CLSTN2: variants seen among roughly 807,000 people sequenced by gnomAD.
CLSTN2 encodes calsyntenin 2, also known as calsyntenin-2.
CLSTN2 carries 48 observed loss-of-function variants against 101.2 expected under a neutral mutation model. The observed-to-expected ratio is 0.47, with a 90% CI of 0.38 to 0.60. The LOEUF (loss-of-function observed/expected upper bound fraction) is 0.60, where lower values mean the gene tolerates loss of function less well. CLSTN2 is among the 20% of genes least tolerant of loss of function. CLSTN2 has a pLI of 0.00. For missense variants in CLSTN2, 1,160 were observed against 1,238.2 expected, an observed-to-expected ratio of 0.94 and a Z score of 0.95; for synonymous variants, 481 against 463.6, an observed-to-expected ratio of 1.04 and a Z score of -0.48.
At chr3:139,949,955 C>T (rs1379904313) in intron 1 of CLSTN2, among the ~76,000 whole-genome samples, 1 of 152,060 alleles carries the variant, frequency 6.6e-6, no homozygotes, top group African/African-American at 2.4e-5. Context: ...TGTGTAGAGG[C>T]AAGAAGGAAG....
At chr3:140,351,870 T>G (rs1009491957) in intron 2 of CLSTN2, among the ~76,000 whole-genome samples, 2 of 152,176 alleles carry the variant, frequency 1.3e-5, no homozygotes, top group Non-Finnish European at 2.9e-5. Context: ...TCACACATTT[T>G]ATTTGAGGAG....
intron 9 of CLSTN2, among the ~76,000 whole-genome samples, chr3:140,534,017 G>A (rs1216938856): frequency 1.3e-5 from 2 of 152,170 alleles, no homozygotes; most frequent in Non-Finnish European, 2.9e-5. Flanking sequence ...TTGGCAATGA[G>A]AGTATCTTCA....
intron 2 of CLSTN2, among the ~76,000 whole-genome samples, chr3:140,327,873 G>A (rs1431726813): frequency 6.6e-6 from 1 of 152,142 alleles, no homozygotes; most frequent in Non-Finnish European, 1.5e-5. Context: ...TTAGCGATAG[G>A]TACATTTGTT....
At position 140,248,906 on chromosome 3, in the gene CLSTN2, T is replaced by C. The variant is rs560359763; in HGVS notation, c.232+72833T>C. 2.0e-5 allele frequency among the ~76,000 whole-genome samples: 3 copies of C among 152,316 alleles called. No homozygotes were observed. The South Asian group carries it at 6.2e-4, about 32-fold the overall frequency. ...ATCACTTTCTCTCATTGGGCTTCCA[T>C]TTATCTGATTTTAAAAGGAGAGAAG... On this transcript the variant is annotated intron_variant, in intron 2 of 16. Coordinates refer to ENST00000458420, the MANE Select transcript of CLSTN2 (RefSeq NM_022131.3).
At chr3:140,184,367 T>G (rs951799486) in intron 2 of CLSTN2, among the ~76,000 whole-genome samples, 1 of 152,092 alleles carries the variant, frequency 6.6e-6, no homozygotes, top group African/African-American at 2.4e-5. Flanking sequence ...TCAGGAAACT[T>G]AAACTCATGG....
intron 9 of CLSTN2, among the ~76,000 whole-genome samples, chr3:140,533,635 C>G (rs191177352): frequency 6.9e-6 from 1 of 145,622 alleles, no homozygotes; most frequent in African/African-American, 2.6e-5. Context: ...GGCATGAACC[C>G]GGGAGGTGGA....
chr3:140,534,902 C>T (rs549023427), intron 9 of CLSTN2, among the ~76,000 whole-genome samples: 2 of 152,334 alleles, frequency 1.3e-5, no homozygotes, highest in Admixed American at 1.3e-4. Flanking sequence ...TCCCATCCTT[C>T]CTTAAATGGG....
At chr3:139,949,812 C>T (rs1935264470) in intron 1 of CLSTN2, among the ~76,000 whole-genome samples, 1 of 152,150 alleles carries the variant, frequency 6.6e-6, no homozygotes, top group South Asian at 2.1e-4. Flanking sequence ...TATGTCATTC[C>T]TTGGGTCCTC....
Position 140,571,656 on chromosome 3 carries a change from G to C in CLSTN2, c.*5403G>C, listed in dbSNP as rs904149313. 6.6e-6 allele frequency: 1 copy of C among 152,226 alleles called. No individual in the cohort carries two copies. The highest frequency in any genetic ancestry group is 1.5e-5 in the Non-Finnish European group (1 of 68,050). 9.4% of individuals were successfully genotyped at this position (152,226 alleles called of 1,614,324 possible). On this transcript the variant is annotated 3_prime_UTR_variant, in exon 17 of 17. Transcript: ENST00000458420. ...TTGTCCAGCTGCAGGCAAAAGAAAT[G>C]AGCAATGAAAGTTTTGAAGTCTACC...
At chr3:140,353,179 T>A (rs1559846638) in intron 2 of CLSTN2, among the ~76,000 whole-genome samples, 1 of 150,124 alleles carries the variant, frequency 6.7e-6, no homozygotes, top group East Asian at 1.9e-4. Flanking sequence ...AATTTTGGTA[T>A]CTAAGTGTGT....
chr3:140,558,615 G>A, intron 11 of CLSTN2, 25 bp from the exon 12 acceptor site: 1 of 1,594,346 alleles, frequency 6.3e-7, no homozygotes. Flanking sequence ...GCTCATCAGT[G>A]CCATGACCGA....
intron 1 of CLSTN2, among the ~76,000 whole-genome samples, chr3:140,009,882 C>T (rs1004913163): frequency 1.3e-5 from 2 of 152,222 alleles, no homozygotes; most frequent in African/African-American, 2.4e-5. Flanking sequence ...ATTGCTGTCT[C>T]GGCAATGGGT....
In CLSTN2 at chr3:140,532,341, G is replaced by A; in HGVS notation, c.1362G>A (p.Trp454Ter). Reference protein sequence around the residue: ...WKLDQICDKEWHYYVINVEFP... With the variant: ...WKLDQICDKE ...TTTCTTAGATTTGTGACAAAGAGTG[G>A]CACTACTATGTCATCAATGTGGAGT... Residue 454 changes from tryptophan to a stop codon, truncating the protein, a stop_gained, in exon 9 of 17, where the codon TGG becomes TGA. Coordinates refer to ENST00000458420, the MANE Select transcript of CLSTN2 (RefSeq NM_022131.3). LOFTEE classifies it high-confidence loss of function. The A allele has an allele frequency of 1.3e-6, 2 of 1,597,048 alleles. No individual in the cohort carries two copies. Among genetic ancestry groups the A allele is most frequent in the Non-Finnish European group, 1.7e-6 (2 of 1,170,734 alleles).
intron 2 of CLSTN2, among the ~76,000 whole-genome samples, chr3:140,290,165 A>G (rs1053237595): frequency 6.6e-6 from 1 of 152,084 alleles, no homozygotes; most frequent in Non-Finnish European, 1.5e-5. Flanking sequence ...GAGTTATCTC[A>G]GAACACCCAT....
chr3:140,266,124 C>T (rs1360512914), intron 2 of CLSTN2, among the ~76,000 whole-genome samples: 2 of 152,122 alleles, frequency 1.3e-5, no homozygotes, highest in Admixed American at 1.3e-4. Flanking sequence ...ATTCCCATAT[C>T]CTGTGTCTGA....
chr3:140,446,398 C>T (rs1933079146), intron 5 of CLSTN2, among the ~76,000 whole-genome samples: 1 of 152,094 alleles, frequency 6.6e-6, no homozygotes, highest in Non-Finnish European at 1.5e-5. Context: ...TAATGTGCAC[C>T]CTCTACTTGT....
intron 2 of CLSTN2, among the ~76,000 whole-genome samples, chr3:140,356,129 A>G (rs1353086344): frequency 6.6e-6 from 1 of 152,102 alleles, no homozygotes; most frequent in Admixed American, 6.5e-5. Context: ...TGTTTTTCCC[A>G]TTGACTGTGA....
At chr3:140,222,874 G>GAAA (rs3035937) in intron 2 of CLSTN2, among the ~76,000 whole-genome samples, 15,252 of 143,062 alleles carry the variant, frequency 0.11, 1,173 homozygotes, top group African/African-American at 0.2. Flanking sequence ...AAAATTTTAA[G>GAAA]AAAAAAAAAA....
intron 8 of CLSTN2, among the ~76,000 whole-genome samples, chr3:140,491,523 G>T (rs1934351939): frequency 6.6e-6 from 1 of 152,166 alleles, no homozygotes. Context: ...GTTGTAAAAT[G>T]AAATAAAATT....
Sources: allele counts gnomAD v4.1 joint callset (sites outside exome capture counted in the v4.1 genomes callset), GRCh38; gene constraint gnomAD v4.1.1; transcripts MANE v1.5; gene names NCBI Gene and HGNC (gene_info 2026-07-23, HGNC 2026-07-21).